IRS1: variants seen among roughly 807,000 people sequenced by gnomAD.
IRS1 encodes the protein insulin receptor substrate 1.
Under a neutral mutation model 65.6 loss-of-function variants are expected in IRS1, and 34 were observed. The observed-to-expected ratio is 0.52, with a 90% CI of 0.39 to 0.69. The LOEUF (loss-of-function observed/expected upper bound fraction) is 0.69. IRS1 is among the 30% of genes least tolerant of loss of function. The pLI is 0.00. For synonymous variants in IRS1, 699 were observed against 683.5 expected, an observed-to-expected ratio of 1.02 and a Z score of -0.35; for missense variants, 1,641 against 1,720.2, an observed-to-expected ratio of 0.95 and a Z score of 0.81.
At chr2:226,746,370 G>A (rs1056006064) in intron 1 of IRS1, among the ~76,000 whole-genome samples, 1 of 152,124 alleles carries the variant, frequency 6.6e-6, no homozygotes, top group Non-Finnish European at 1.5e-5. Flanking sequence ...GAACTGAACA[G>A]GAGTGTGATC....
At chr2:226,743,449 C>T (rs975972448) in intron 1 of IRS1, among the ~76,000 whole-genome samples, 2 of 152,088 alleles carry the variant, frequency 1.3e-5, no homozygotes. Context: ...AGGCTGGTCT[C>T]GAACTCCCAA....
chr2:226,791,370 G>C (rs954222850), intron 1 of IRS1, among the ~76,000 whole-genome samples: 4 of 152,292 alleles, frequency 2.6e-5, no homozygotes, highest in East Asian at 1.9e-4. Flanking sequence ...GTAGTAAAGA[G>C]AGAAGGGAAA....
intron 1 of IRS1, among the ~76,000 whole-genome samples, chr2:226,751,612 T>C (rs1480572809): frequency 6.6e-6 from 1 of 151,918 alleles, no homozygotes; most frequent in African/African-American, 2.4e-5. Flanking sequence ...TGCTTAGTGT[T>C]CAGGCTAAGG....
chr2:226,731,827 T>A lies in IRS1; in HGVS notation c.*4445A>T, dbSNP rs1231594140. On this transcript the variant is annotated 3_prime_UTR_variant, in exon 2 of 2. Coordinates refer to ENST00000305123, the MANE Select transcript of IRS1 (RefSeq NM_005544.3). ...CTACATTCTTAAGCCAATGGTGAAG[T>A]TCTAAAAAGAAAAAGAAAAAAAAAA... 1 of 151,962 alleles carries A rather than the reference T, an allele frequency of 6.6e-6. No homozygotes were observed. Among genetic ancestry groups the A allele is most frequent in the Non-Finnish European group, 1.5e-5 (1 of 67,988 alleles). The allele number at this position is 151,962 out of a possible 1,614,324, so 9.4% of individuals were successfully genotyped here. A position where few individuals can be genotyped will look rare whatever the true frequency, so the allele number is the denominator to read the frequency against.
Position 226,797,661 on chromosome 2 carries a change from G to A in IRS1, c.1078C>T (p.Arg360Trp), listed in dbSNP as rs775194779. 1.8e-5 allele frequency: 28 copies of A among 1,594,454 alleles called. No individual in the cohort carries two copies. Among genetic ancestry groups the A allele is most frequent in the African/African-American group, 5.3e-5 (4 of 74,830 alleles). ...GGGGGGTGCAGCCGGGCGCTGCCCC[G>A]ATGCCGGTGGGCGTGGGTTCTGTTG... ...STNRTHAHRH[R>W]GSARLHPPLN... is the part of the protein sequence containing the mutation. The change falls in exon 1 of 2, where the codon CGG (arginine) becomes TGG (tryptophan). Residue 360 changes from arginine to tryptophan, a missense_variant. Coordinates refer to ENST00000305123, the MANE Select transcript of IRS1 (RefSeq NM_005544.3). The surrounding 1 kb of genome is among the most constrained non-coding windows in gnomAD (Gnocchi z 8.1).
Position 226,795,876 on chromosome 2 carries a change from G to T in IRS1, c.2863C>A (p.Gln955Lys). 6.2e-7 allele frequency: 1 copy of T among 1,613,710 alleles called. No homozygotes were observed. The highest frequency in any genetic ancestry group is 8.5e-7 in the Non-Finnish European group (1 of 1,180,016). ...CCCATCTCGACCCCAGTGCTCTCCT[G>T]CCAGGCTGCCCTCCGGCCCGGCCCC... ...DLGPGRRAAW[Q>K]ESTGVEMGRL... Residue 955 changes from glutamine to lysine, a missense_variant, in exon 1 of 2, where the codon CAG (glutamine) becomes AAG (lysine). Around this residue, in one of 3 missense-constraint regions of IRS1, gnomAD observed 1,324 missense variants for 1,361.0 expected, o/e 0.97. Coordinates refer to ENST00000305123, the MANE Select transcript of IRS1 (RefSeq NM_005544.3).
chr2:226,751,568 C>T (rs1422007485), intron 1 of IRS1, among the ~76,000 whole-genome samples: 1 of 152,080 alleles, frequency 6.6e-6, no homozygotes, highest in Admixed American at 6.5e-5. Context: ...CAGGCGTGAG[C>T]CACCGCGCCC....
At position 226,799,347 on chromosome 2, in the gene IRS1, G is replaced by A; in HGVS notation, c.-609C>T. ...TACCAGCTCAGTCGCAGAGACCGCG[G>A]CGCTGCGGCTGTTGCTGTTGCTGCT... On this transcript the variant is annotated 5_prime_UTR_variant, in exon 1 of 2. Transcript: ENST00000305123. The surrounding 1 kb of genome is among the most constrained non-coding windows in gnomAD (Gnocchi z 6.1). The A allele has an allele frequency of 8.0e-7, 1 of 1,256,902 alleles. No individual in the cohort carries two copies. The allele number at this position is 1,256,902 out of a possible 1,614,324, so 77.9% of individuals were successfully genotyped here.
intron 1 of IRS1, among the ~76,000 whole-genome samples, chr2:226,773,766 C>A (rs1939207569): frequency 6.6e-6 from 1 of 152,100 alleles, no homozygotes. Context: ...AGCCCCTCCC[C>A]ATCACATCTC....
intron 1 of IRS1, among the ~76,000 whole-genome samples, chr2:226,790,244 T>C (rs931458424): frequency 1.2e-4 from 18 of 152,280 alleles, no homozygotes; most frequent in African/African-American, 4.3e-4. Context: ...ACAGGCTGTG[T>C]TGGAGCCCAA....
chr2:226,747,259 T>C (rs576946041), intron 1 of IRS1, among the ~76,000 whole-genome samples: 19 of 152,270 alleles, frequency 1.2e-4, no homozygotes, highest in African/African-American at 4.1e-4. Context: ...GTGACTGTTA[T>C]GGACTGAAAC....
chr2:226,767,506 T>C (rs1049246552), intron 1 of IRS1, among the ~76,000 whole-genome samples: 7 of 152,304 alleles, frequency 4.6e-5, no homozygotes, highest in East Asian at 3.9e-4. Flanking sequence ...CCATTCTTTA[T>C]AGAATTGAGA....
At chr2:226,778,920 A>G (rs1298545459) in intron 1 of IRS1, among the ~76,000 whole-genome samples, 1 of 152,218 alleles carries the variant, frequency 6.6e-6, no homozygotes, top group Non-Finnish European at 1.5e-5. Flanking sequence ...CATCACAAAA[A>G]TGTGCCCTGG....
chr2:226,737,049 G>C (rs189317730), intron 1 of IRS1, among the ~76,000 whole-genome samples: 9 of 150,922 alleles, frequency 6.0e-5, no homozygotes, highest in African/African-American at 2.0e-4. Context: ...CCACTAACTC[G>C]TCATCTAGCA....
chr2:226,774,008 T>C (rs1939216880), intron 1 of IRS1, among the ~76,000 whole-genome samples: 1 of 152,156 alleles, frequency 6.6e-6, no homozygotes, highest in South Asian at 2.1e-4. Flanking sequence ...CTCCTTATGA[T>C]CCCAGAGATA....
intron 1 of IRS1, among the ~76,000 whole-genome samples, chr2:226,736,473 A>G (rs926762338): frequency 6.6e-6 from 1 of 152,240 alleles, no homozygotes; most frequent in African/African-American, 2.4e-5. Flanking sequence ...TCAATGTGGA[A>G]TCTGTAAACA....
Position 226,799,796 on chromosome 2 carries a change from C to G in IRS1, c.-1058G>C. On this transcript the variant is annotated 5_prime_UTR_variant, in exon 1 of 2. Transcript: ENST00000305123. The surrounding 1 kb of genome is among the most constrained non-coding windows in gnomAD (Gnocchi z 6.1). ...GGAGAAAAACACGTGACGGAGCCTC[C>G]GCGCTCGGCAGCCGGGCAGCCGCCG... The G allele has an allele frequency of 2.0e-6, 2 of 991,128 alleles. No homozygotes were observed. Among genetic ancestry groups the G allele is most frequent in the South Asian group, 9.4e-5 (2 of 21,288 alleles). The allele number at this position is 991,128 out of a possible 1,614,324, so 61.4% of individuals were successfully genotyped here. A position where few individuals can be genotyped will look rare whatever the true frequency, so the allele number is the denominator to read the frequency against.
At position 226,799,554 on chromosome 2, in the gene IRS1, G is replaced by C. The variant is rs1489752603; in HGVS notation, c.-816C>G. On this transcript the variant is annotated 5_prime_UTR_variant, in exon 1 of 2. Coordinates refer to ENST00000305123, the MANE Select transcript of IRS1 (RefSeq NM_005544.3). The surrounding 1 kb of genome is among the most constrained non-coding windows in gnomAD (Gnocchi z 6.1). The stretch of plus-strand genomic sequence containing the variant: ...CCCCTCGCTCCAGGCGGCTGGGGAG[G>C]AGGGGAGGGGACAAGGGCGAGAGGG... 6 of 1,073,036 alleles carry C rather than the reference G, an allele frequency of 5.6e-6. No individual in the cohort carries two copies. The South Asian group carries it at 1.5e-4, about 27-fold the overall frequency. 66.5% of individuals were successfully genotyped at this position (1,073,036 alleles called of 1,614,324 possible).
chr2:226,787,084 A>T lies in IRS1; in HGVS notation c.*21+7905T>A, dbSNP rs191193702. Among the ~76,000 whole-genome samples, 58 of 152,304 alleles carry T rather than the reference A, an allele frequency of 3.8e-4. 1 individual carries two copies. Among genetic ancestry groups the T allele is most frequent in the East Asian group, 2.5e-3 (13 of 5,182 alleles). On this transcript the variant is annotated intron_variant, in intron 1 of 1. Coordinates refer to ENST00000305123, the MANE Select transcript of IRS1 (RefSeq NM_005544.3). The stretch of plus-strand genomic sequence containing the variant: ...CCCCACTTTCCCCCCAGGTTTCCTA[A>T]CACTGACCACCCCATAACAAGTCCA...
Sources: allele counts gnomAD v4.1 joint callset (sites outside exome capture counted in the v4.1 genomes callset), GRCh38; gene constraint gnomAD v4.1.1; regional missense constraint gnomAD v4.1.1; non-coding constraint Gnocchi (gnomAD v3.1); transcripts MANE v1.5; gene names NCBI Gene and HGNC (gene_info 2026-07-23, HGNC 2026-07-21).